ITM2C: variants seen among roughly 807,000 people sequenced by gnomAD.
ITM2C encodes BRICHOS domain containing 2C.
Under a neutral mutation model 30.0 loss-of-function variants are expected in ITM2C, and 20 were observed. The observed-to-expected ratio is 0.67, with a 90% CI of 0.47 to 0.97. The LOEUF (loss-of-function observed/expected upper bound fraction) is 0.97. Ranked by LOEUF, ITM2C falls within the 50% of genes least tolerant of loss-of-function variation. The pLI is 0.00. For synonymous variants in ITM2C, 167 were observed against 156.4 expected (o/e 1.07, Z -0.51); for missense variants, 366 against 371.9 (o/e 0.98, Z 0.13).
chr2:230,866,229 C>T (rs937119791), intron 1 of ITM2C, among the ~76,000 whole-genome samples: 7 of 152,348 alleles, frequency 4.6e-5, no homozygotes, highest in African/African-American at 1.4e-4. Flanking sequence ...CTCCCCGCCT[C>T]CCCACCCCGC....
intron 3 of ITM2C, among the ~76,000 whole-genome samples, chr2:230,876,145 A>C (rs1243625088): frequency 6.6e-6 from 1 of 152,138 alleles, no homozygotes; most frequent in Non-Finnish European, 1.5e-5. Context: ...ATGCGTATTC[A>C]TGTAACCCCC....
intron 1 of ITM2C, among the ~76,000 whole-genome samples, chr2:230,869,465 C>T (rs1317196191): frequency 3.3e-5 from 5 of 152,124 alleles, no homozygotes; most frequent in African/African-American, 1.2e-4. Context: ...TCGGTGGGTG[C>T]CCTGGCCTCT....
In ITM2C at chr2:230,877,636, C is replaced by T; in HGVS notation, c.712+86C>T. On this transcript the variant is annotated intron_variant, in intron 5 of 5. Transcript: ENST00000326427. The surrounding 1 kb of genome is among the most constrained non-coding windows in gnomAD (Gnocchi z 4.8). ...CACGCCTAGCCCAGCTGTCAGAGAG[C>T]TCAGATAGCAGCAGCAATAACAGCT... 7.0e-7 allele frequency: 1 copy of T among 1,434,642 alleles called. No individual in the cohort carries two copies. Among genetic ancestry groups the T allele is most frequent in the Admixed American group, 1.8e-5 (1 of 55,368 alleles). 88.9% of individuals were successfully genotyped at this position (1,434,642 alleles called of 1,614,324 possible). A position where few individuals can be genotyped will look rare whatever the true frequency, so the allele number is the denominator to read the frequency against.
Position 230,877,368 on chromosome 2 carries a change from C to G in ITM2C, c.562-32C>G, listed in dbSNP as rs749699723. 9.3e-6 allele frequency: 15 copies of G among 1,608,894 alleles called. No individual in the cohort carries two copies. The highest frequency in any genetic ancestry group is 1.3e-5 in the African/African-American group (1 of 74,818). On this transcript the variant is annotated intron_variant, in intron 4 of 5. Coordinates refer to ENST00000326427, the MANE Select transcript of ITM2C (RefSeq NM_030926.6). This position sits in a 1 kb window ranked among gnomAD's most constrained non-coding sequence, Gnocchi z 4.8. ...GGGGTTGGACGAAAGCCTGAGGGGC[C>G]GACTCACTGTGGCGGCCACCTTGTT...
At chr2:230,864,298 C>T (rs1696969264), upstream of ITM2C, among the ~76,000 whole-genome samples, 1 of 152,166 alleles carries the variant, frequency 6.6e-6, no homozygotes, top group African/African-American at 2.4e-5. This position sits in a 1 kb window ranked among gnomAD's most constrained non-coding sequence, Gnocchi z 4.3. Flanking sequence ...CTTCCCTTCT[C>T]CACTCCAGGC....
At position 230,865,071 on chromosome 2, in the gene ITM2C, G is replaced by T. The variant is rs762506460; in HGVS notation, c.46G>T (p.Asp16Tyr). ...GCCCGCCGTGGCTGGCATCAAGGGC[G>T]ACAAGGCTGACAAGGCGTCGGCGTC... ...FQPAVAGIKG[D>Y]KADKASASAP... The change falls in exon 1 of 6, where the codon GAC becomes TAC. Residue 16 changes from aspartate (D) to tyrosine (Y), a missense_variant. Coordinates refer to ENST00000326427, the MANE Select transcript of ITM2C (RefSeq NM_030926.6). The surrounding 1 kb of genome is among the most constrained non-coding windows in gnomAD (Gnocchi z 6.8). 6.5e-7 allele frequency: 1 copy of T among 1,534,594 alleles called. No individual in the cohort carries two copies. Among genetic ancestry groups the T allele is most frequent in the East Asian group, 2.6e-5 (1 of 38,920 alleles).
intron 1 of ITM2C, among the ~76,000 whole-genome samples, chr2:230,866,683 G>A (rs1239354336): frequency 6.6e-6 from 1 of 152,166 alleles, no homozygotes; most frequent in Non-Finnish European, 1.5e-5. Flanking sequence ...TTTGCAAGGG[G>A]TTCTTCAAGA....
chr2:230,871,499 A>G (rs991604260), intron 1 of ITM2C, among the ~76,000 whole-genome samples: 1 of 152,214 alleles, frequency 6.6e-6, no homozygotes, highest in African/African-American at 2.4e-5. Context: ...GGCCCTGTGC[A>G]CTGTGGCCAT....
chr2:230,866,631 G>A (rs1470747138), intron 1 of ITM2C, among the ~76,000 whole-genome samples: 1 of 152,178 alleles, frequency 6.6e-6, no homozygotes, highest in Non-Finnish European at 1.5e-5. Flanking sequence ...AGGTGGAGGG[G>A]GCGCTCCATA....
Position 230,877,350 on chromosome 2 carries a change from G to T in ITM2C, c.562-50G>T, listed in dbSNP as rs1226460427. On this transcript the variant is annotated intron_variant, in intron 4 of 5. Coordinates refer to ENST00000326427, the MANE Select transcript of ITM2C (RefSeq NM_030926.6). The surrounding 1 kb of genome is among the most constrained non-coding windows in gnomAD (Gnocchi z 4.8). The stretch of plus-strand genomic sequence containing the variant: ...GGCTGGCATTTCGGGCGAGGGGTTG[G>T]ACGAAAGCCTGAGGGGCCGACTCAC... The T allele has an allele frequency of 3.1e-6, 5 of 1,599,684 alleles. No individual in the cohort carries two copies. The South Asian group carries it at 5.6e-5, about 18-fold the overall frequency.
chr2:230,868,327 A>G (rs2125014813), intron 1 of ITM2C, among the ~76,000 whole-genome samples: 1 of 152,110 alleles, frequency 6.6e-6, no homozygotes, highest in South Asian at 2.1e-4. Flanking sequence ...AGTGGGCTGG[A>G]CCGGAAGCAC....
intron 2 of ITM2C, among the ~76,000 whole-genome samples, chr2:230,875,193 G>T (rs1464816561): frequency 1.3e-5 from 2 of 152,180 alleles, no homozygotes; most frequent in Non-Finnish European, 2.9e-5. Flanking sequence ...CTGCACCTCT[G>T]TGGAGGGCAC....
At chr2:230,873,369 C>A in intron 1 of ITM2C, 48 bp from the exon 2 acceptor site, 2 of 1,463,000 alleles carry the variant, frequency 1.4e-6, no homozygotes, top group Non-Finnish European at 9.0e-7. Context: ...GGGGGGATTT[C>A]CAGGGGAGGG....
At chr2:230,866,587 A>AT (rs1697034076) in intron 1 of ITM2C, among the ~76,000 whole-genome samples, 1 of 152,096 alleles carries the variant, frequency 6.6e-6, no homozygotes, top group African/African-American at 2.4e-5. Flanking sequence ...TGTGCACCCC[A>AT]TGAGAGCAGC....
chr2:230,873,130 C>A, intron 1 of ITM2C: 1 of 354,726 alleles, frequency 2.8e-6, no homozygotes, highest in Non-Finnish European at 5.0e-6. Context: ...CAAAATGCAC[C>A]TGCTGAACCC....
intron 1 of ITM2C, among the ~76,000 whole-genome samples, chr2:230,868,587 GTA>G (rs1697090042): frequency 8.6e-6 from 1 of 116,170 alleles, no homozygotes; most frequent in Admixed American, 8.8e-5. Flanking sequence ...TCTTACCTCT[GTA>G]ATTTTCTCCT....
At chr2:230,870,926 C>T (rs959818575) in intron 1 of ITM2C, among the ~76,000 whole-genome samples, 2 of 151,958 alleles carry the variant, frequency 1.3e-5, no homozygotes, top group African/African-American at 4.8e-5. Context: ...AAGCTAGTTT[C>T]CCTGGTTTTC....
intron 1 of ITM2C, among the ~76,000 whole-genome samples, chr2:230,866,556 C>T (rs1697033198): frequency 1.3e-5 from 2 of 152,160 alleles, no homozygotes; most frequent in Admixed American, 1.3e-4. Flanking sequence ...CAACAACCAC[C>T]TAGGCGAGGT....
In ITM2C at chr2:230,873,565, G is replaced by C; in HGVS notation, c.261+8G>C. The C allele has an allele frequency of 1.3e-6, 2 of 1,597,268 alleles. No homozygotes were observed. Among genetic ancestry groups the C allele is most frequent in the Non-Finnish European group, 1.7e-6 (2 of 1,173,630 alleles). Reference sequence around the variant, plus strand: ...TACTTCTTCCTTGCGCAGGTGAGGGGCCGGGCCAGGTAGGGGCAAGGCCTC... The same window carrying C: ...TACTTCTTCCTTGCGCAGGTGAGGGCCCGGGCCAGGTAGGGGCAAGGCCTC... On this transcript the variant is annotated splice_region_variant and intron_variant, in intron 2 of 5. Coordinates refer to ENST00000326427, the MANE Select transcript of ITM2C (RefSeq NM_030926.6).
Sources: gnomAD v4.1 joint callset for allele counts (sites outside exome capture counted in the v4.1 genomes callset) on GRCh38, gnomAD v4.1.1 for gene constraint, Gnocchi (gnomAD v3.1) non-coding constraint, MANE v1.5 for transcripts, NCBI Gene and HGNC (gene_info 2026-07-23, HGNC 2026-07-21) for gene names.